TLR5: variants seen among roughly 807,000 people sequenced by gnomAD.
The protein encoded by TLR5 is toll-like receptor 5.
For synonymous variants in TLR5, 373 were observed against 384.4 expected, an observed-to-expected ratio of 0.97 and a Z score of 0.35; for missense variants, 944 against 999.8, an observed-to-expected ratio of 0.94 and a Z score of 0.75.
chr1:223,119,915 A>G (rs1044962533), intron 5 of TLR5, among the ~76,000 whole-genome samples: 1 of 125,126 alleles, frequency 8.0e-6, no homozygotes, highest in Non-Finnish European at 1.7e-5. Flanking sequence ...ATGCCACTGC[A>G]CTCCAGCCTT....
intron 5 of TLR5, among the ~76,000 whole-genome samples, chr1:223,122,623 G>A (rs941333684): frequency 4.6e-5 from 7 of 152,200 alleles, no homozygotes; most frequent in Non-Finnish European, 1.0e-4. Flanking sequence ...AACAAGGCAT[G>A]TAAGCATGTT....
intron 3 of TLR5, among the ~76,000 whole-genome samples, chr1:223,135,890 G>A (rs1386779639): frequency 2.0e-5 from 3 of 152,172 alleles, no homozygotes. Context: ...GCTTATGTCT[G>A]CGGCTAGATA....
chr1:223,111,786 C>G lies in TLR5; in HGVS notation c.1246G>C (p.Val416Leu). 6.2e-7 allele frequency: 1 copy of G among 1,614,084 alleles called. No homozygotes were observed. Among genetic ancestry groups the G allele is most frequent in the Non-Finnish European group, 8.5e-7 (1 of 1,180,010 alleles). Residue 416 changes from valine (V) to leucine (L), a missense_variant, in exon 6 of 6, where the codon GTG becomes CTG. Physicochemically the swap from Val to Leu is conservative, Grantham distance 32 (BLOSUM62 1). Transcript: ENST00000642603. The part of the protein sequence containing the change: ...PDIFLSGNKL[V>L]TLPKINLTAN... ...GTAAGGTTGATCTTTGGCAAAGTCA[C>G]TAGTTTATTGCCACTCAAGAAGATA...
At chr1:223,142,395 A>G (rs901135096) in intron 1 of TLR5, among the ~76,000 whole-genome samples, 2 of 152,154 alleles carry the variant, frequency 1.3e-5, no homozygotes, top group African/African-American at 4.8e-5. Context: ...TGTTCCCAAC[A>G]CTAGGTAACA....
chr1:223,136,748 T>C (rs1657628717), intron 3 of TLR5, among the ~76,000 whole-genome samples: 1 of 152,226 alleles, frequency 6.6e-6, no homozygotes, highest in South Asian at 2.1e-4. Context: ...ATGGGACATA[T>C]AGCTTATATT....
chr1:223,115,447 A>C (rs1320622143), intron 5 of TLR5, among the ~76,000 whole-genome samples: 1 of 152,094 alleles, frequency 6.6e-6, no homozygotes, highest in Non-Finnish European at 1.5e-5. Context: ...ATGGGGTTTC[A>C]CCATGTTGGC....
rs5744172 is a variant in TLR5, at chr1:223,111,298, A to G, written c.1734T>C (p.His578=). The G allele has an allele frequency of 1.1e-4, 173 of 1,614,182 alleles. No individual in the cohort carries two copies. In the African/African-American group the frequency reaches 2.2e-3, roughly 20 times the overall value. Reference sequence around the variant, plus strand: ...GTTCACATTCACAAATGAACTTGTTATGAGTTATATCCAAGACACTAAGTG... The same window carrying G: ...GTTCACATTCACAAATGAACTTGTTGTGAGTTATATCCAAGACACTAAGTG... ...FVSLSVLDIT[H]NKFICECELS... Residue 578 remains histidine (H), a synonymous_variant, in exon 6 of 6, where the codon CAT becomes CAC. Transcript: ENST00000642603.
At chr1:223,129,528 C>T (rs1348527046) in intron 5 of TLR5, 4 of 152,308 alleles carry the variant, frequency 2.6e-5, no homozygotes, top group African/African-American at 9.6e-5. Flanking sequence ...GCGAGGAGGG[C>T]TCTGCCGCAG....
chr1:223,111,086 G>C lies in TLR5; in HGVS notation c.1946C>G (p.Thr649Ser). The change falls in exon 6 of 6, where the codon ACT (threonine) becomes AGT (serine). Residue 649 changes from threonine to serine, a missense_variant. Coordinates refer to ENST00000642603, the MANE Select transcript of TLR5 (RefSeq NM_003268.6). ...KFSLFIVCTV[T>S]LTLFLMTILT... ...GATGGTCATGAGGAACAGAGTCAGA[G>C]TGACAGTGCATACAATGAAAAGGGA... 1 of 1,614,218 alleles carries C rather than the reference G, an allele frequency of 6.2e-7. No homozygotes were observed.
intron 5 of TLR5, chr1:223,123,366 C>T (rs543405404): frequency 1.3e-5 from 2 of 152,260 alleles, no homozygotes; most frequent in East Asian, 1.9e-4. Flanking sequence ...CAGCCCCAAA[C>T]GAAATATGTT....
At position 223,111,411 on chromosome 1, in the gene TLR5, G is replaced by T. The variant is rs1217500463; in HGVS notation, c.1621C>A (p.Leu541Ile). The T allele has an allele frequency of 6.2e-7, 1 of 1,614,202 alleles. No individual in the cohort carries two copies. The highest frequency in any genetic ancestry group is 8.5e-7 in the Non-Finnish European group (1 of 1,180,042). Residue 541 changes from leucine (L) to isoleucine (I), a missense_variant, in exon 6 of 6, where the codon CTT (leucine) becomes ATT (isoleucine). Transcript: ENST00000642603. Reference protein sequence around the residue: ...LSLNSNRLTVLSHNDLPANLE... With the variant: ...LSLNSNRLTVISHNDLPANLE... ...TTAGCAGGTAAATCATTGTGAGAAA[G>T]AACTGTCAGCCTGTTGGAGTTGAGG... is the stretch of plus-strand genomic sequence containing the variant.
chr1:223,134,413 A>G (rs1020582782), intron 4 of TLR5: 15 of 152,212 alleles, frequency 9.9e-5, no homozygotes, highest in African/African-American at 3.6e-4. Context: ...TGTTTTCTTT[A>G]CTATCTTTAG....
chr1:223,124,036 C>T (rs1412611519), intron 5 of TLR5: 1 of 152,234 alleles, frequency 6.6e-6, no homozygotes, highest in African/African-American at 2.4e-5. Context: ...AGGTGACATA[C>T]ATTCCTTTTT....
chr1:223,111,642 T>C lies in TLR5; in HGVS notation c.1390A>G (p.Ser464Gly), dbSNP rs751693429. The C allele has an allele frequency of 7.1e-5, 114 of 1,614,038 alleles. No individual in the cohort carries two copies. The highest frequency in any genetic ancestry group is 9.2e-5 in the Non-Finnish European group (109 of 1,180,018). Residue 464 changes from serine to glycine, a missense_variant, in exon 6 of 6, where the codon AGT (serine) becomes GGT (glycine). Transcript: ENST00000642603. ...TTCTCTGAAGGGGTTTGATCTCCAC[T>C]ACAGGAGGAGAAGCGATTTTGATTT... ...ILNQNRFSSC[S>G]GDQTPSENPS...
Position 223,111,206 on chromosome 1 carries a change from T to G in TLR5, c.1826A>C (p.Tyr609Ser). ...AGAGAACGAGTCAGGGTACACACAA[T>G]ATATGTCTGCAGGAGGCCCAGCTAT... ...VTIAGPPADI[Y>S]CVYPDSFSGV... The change falls in exon 6 of 6, where the codon TAT becomes TCT. Residue 609 changes from tyrosine to serine, a missense_variant. Physicochemically the swap from Tyr to Ser is moderately radical, Grantham distance 144. Transcript: ENST00000642603. 1 of 1,614,160 alleles carries G rather than the reference T, an allele frequency of 6.2e-7. No homozygotes were observed. The highest frequency in any genetic ancestry group is 8.5e-7 in the Non-Finnish European group (1 of 1,180,016).
At chr1:223,140,938 G>A (rs996294096) in intron 2 of TLR5, among the ~76,000 whole-genome samples, 2 of 152,218 alleles carry the variant, frequency 1.3e-5, no homozygotes, top group Non-Finnish European at 2.9e-5. Context: ...GGACAGCAGG[G>A]ACTATGCCTC....
intron 1 of TLR5, among the ~76,000 whole-genome samples, chr1:223,142,151 TTGA>T (rs995513963): frequency 5.3e-5 from 8 of 151,886 alleles, no homozygotes; most frequent in African/African-American, 1.9e-4. Context: ...CAGGAGAAAA[TTGA>T]TGAAACCACA....
intron 5 of TLR5, among the ~76,000 whole-genome samples, chr1:223,119,505 A>G (rs1656833569): frequency 6.6e-6 from 1 of 152,172 alleles, no homozygotes; most frequent in Non-Finnish European, 1.5e-5. Context: ...ATTCCAAAAA[A>G]AAACCTGAAA....
chr1:223,124,567 G>A (rs1464010878), intron 5 of TLR5, among the ~76,000 whole-genome samples: 1 of 152,122 alleles, frequency 6.6e-6, no homozygotes, highest in African/African-American at 2.4e-5. Flanking sequence ...ATGACCTGCA[G>A]TTTGCTTGTG....
Sources: gnomAD v4.1 joint callset for allele counts (sites outside exome capture counted in the v4.1 genomes callset) on GRCh38, gnomAD v4.1.1 for gene constraint, MANE v1.5 for transcripts, NCBI Gene and HGNC (gene_info 2026-07-23, HGNC 2026-07-21) for gene names.